The following ALG8 variants were observed in gnomAD, a reference collection of about 807,000 sequenced individuals.
The protein encoded by ALG8 is ALG8 alpha-1,3-glucosyltransferase.
Under a neutral mutation model 70.2 loss-of-function variants are expected in ALG8, and 48 were observed. That is an observed-to-expected ratio of 0.68 (90% confidence interval 0.54 to 0.87). The LOEUF (loss-of-function observed/expected upper bound fraction) is 0.87, where lower values mean the gene tolerates loss of function less well. Among genes scored for constraint, ALG8 ranks in the 40% least tolerant of loss-of-function variants. The probability of loss-of-function intolerance (pLI) is 0.00; values close to 1 mark genes in which losing one functional copy is unlikely to be tolerated. For missense variants in ALG8, 572 were observed against 608.7 expected, an observed-to-expected ratio of 0.94 and a Z score of 0.64; for synonymous variants, 234 against 229.0, an observed-to-expected ratio of 1.02 and a Z score of -0.20.
chr11:78,101,031 T>C lies in ALG8; in HGVS notation c.1514A>G (p.Tyr505Cys), dbSNP rs184974623. 1.2e-6 allele frequency: 2 copies of C among 1,614,244 alleles called. No individual in the cohort carries two copies. Among genetic ancestry groups the C allele is most frequent in the East Asian group, 4.5e-5 (2 of 44,890 alleles). Residue 505 changes from tyrosine to cysteine, a missense_variant, in exon 13 of 13, where the codon TAT becomes TGT. Tyr to Cys is a radical substitution (Grantham distance 194, BLOSUM62 -2). Coordinates refer to ENST00000299626, the MANE Select transcript of ALG8 (RefSeq NM_024079.5). ...TSVYCAVGIT[Y>C]AWFKLYVSVL... ...TGAAACATACAGTTTGAACCAAGCA[T>C]ATGTGATGCCTACTGCACAATACAC...
At chr11:78,108,653 T>C (rs1043629212) in intron 9 of ALG8, among the ~76,000 whole-genome samples, 1 of 152,240 alleles carries the variant, frequency 6.6e-6, no homozygotes, top group African/African-American at 2.4e-5. Context: ...ATAGAAACTA[T>C]ATGTACCTCA....
chr11:78,115,201 T>TTTTGTACCAAAATA (rs1198977836), intron 5 of ALG8, among the ~76,000 whole-genome samples: 2 of 151,632 alleles, frequency 1.3e-5, no homozygotes, highest in African/African-American at 4.8e-5. Flanking sequence ...CCCGGCTAAT[T>TTTTGTACCAAAATA]TTTGTATTTT....
chr11:78,130,361 A>AAAAAAAAAAAAAAAAAAAGAAAG (rs928560857), intron 1 of ALG8, among the ~76,000 whole-genome samples: 250 of 132,564 alleles, frequency 1.9e-3, no homozygotes, highest in African/African-American at 2.5e-3. Flanking sequence ...AAAAAAAAAA[A>AAAAAAAAAAAAAAAAAAAGAAAG]AAAAAAGGTG....
chr11:78,136,749 T>C (rs1404766594), intron 1 of ALG8, among the ~76,000 whole-genome samples: 1 of 152,176 alleles, frequency 6.6e-6, no homozygotes, highest in African/African-American at 2.4e-5. Flanking sequence ...CATCTTCCAA[T>C]GTAAGTCTGT....
In ALG8 at chr11:78,114,351, T is replaced by G. The variant is rs562915665; in HGVS notation, c.588A>C (p.Leu196=). The change falls in exon 6 of 13, where the codon CTA becomes CTC. Residue 196 remains leucine (L), a synonymous_variant. Transcript: ENST00000299626. Reference sequence around the variant, plus strand: ...CATAGAGGTAGATATGCTTGAAATGTAGGAGAACAGCAAAGAGAAATGCTC... The same window carrying G: ...CATAGAGGTAGATATGCTTGAAATGGAGGAGAACAGCAAAGAGAAATGCTC... ...MEGAFLFAVL[L]HFKHIYLYVA... 1.2e-4 allele frequency: 189 copies of G among 1,614,112 alleles called. 2 individuals carry two copies. The South Asian group carries it at 2.0e-3, about 17-fold the overall frequency.
intron 4 of ALG8, 127 bp downstream of exon 4, chr11:78,120,938 A>C (rs889691013): frequency 3.4e-6 from 3 of 873,132 alleles, no homozygotes; most frequent in African/African-American, 3.3e-5. Flanking sequence ...AAGTGAGCCT[A>C]CTAACCCACC....
intron 1 of ALG8, among the ~76,000 whole-genome samples, chr11:78,128,915 A>G (rs1861191280): frequency 6.6e-6 from 1 of 150,878 alleles, no homozygotes; most frequent in Non-Finnish European, 1.5e-5. Context: ...TGCCTGGCCT[A>G]CTCCCAAATT....
At chr11:78,110,294 C>A (rs186362922) in intron 8 of ALG8, among the ~76,000 whole-genome samples, 2 of 152,112 alleles carry the variant, frequency 1.3e-5, no homozygotes, top group African/African-American at 4.8e-5. Flanking sequence ...CAGGTTCCAG[C>A]GATTCTCCTG....
At chr11:78,129,913 C>T in intron 1 of ALG8, among the ~76,000 whole-genome samples, 1 of 152,062 alleles carries the variant, frequency 6.6e-6, no homozygotes, top group Admixed American at 6.6e-5. Flanking sequence ...ACAGTAATTA[C>T]ACAACAACGC....
chr11:78,111,757 AT>A (rs1208050642), intron 8 of ALG8, among the ~76,000 whole-genome samples: 1 of 152,158 alleles, frequency 6.6e-6, no homozygotes, highest in Non-Finnish European at 1.5e-5. Flanking sequence ...ACCAAGCTAG[AT>A]TGTATTCACA....
chr11:78,132,328 A>T (rs1861341090), intron 1 of ALG8, among the ~76,000 whole-genome samples: 1 of 151,978 alleles, frequency 6.6e-6, no homozygotes, highest in South Asian at 2.1e-4. Flanking sequence ...TAATGCCACC[A>T]CTCCAATTCA....
At chr11:78,135,767 G>A (rs1266125602) in intron 1 of ALG8, among the ~76,000 whole-genome samples, 2 of 151,566 alleles carry the variant, frequency 1.3e-5, no homozygotes, top group South Asian at 2.1e-4. Flanking sequence ...AGAATCACTC[G>A]AACCCGGGAA....
rs374297042 is a variant in ALG8 at position 78,132,038 on chromosome 11, C to T, written c.96-4602G>A. Among the ~76,000 whole-genome samples the T allele has an allele frequency of 2.6e-5, 4 of 152,298 alleles. No individual in the cohort carries two copies. The East Asian group carries it at 5.8e-4, about 22-fold the overall frequency. ...CAGCCCATTTCTCACCATCCTCCCA[C>T]CTGTCTTTGTCTTACTCTACATTCA... On this transcript the variant is annotated intron_variant, in intron 1 of 12. Transcript: ENST00000299626.
At position 78,114,292 on chromosome 11, in the gene ALG8, G is replaced by C. The variant is rs886048687; in HGVS notation, c.647C>G (p.Ser216Cys). 6.2e-7 allele frequency: 1 copy of C among 1,614,092 alleles called. No homozygotes were observed. The change falls in exon 6 of 13, where the codon TCC becomes TGC. Residue 216 changes from serine to cysteine, a missense_variant. Transcript: ENST00000299626. ...APAYGVYLLR[S>C]YCFTANKPDG... ...TGGTTTATTTGCAGTGAAACAGTAG[G>C]ATCGCAGCAGATATACACCATAAGC...
At chr11:78,122,678 A>C (rs1434822259) in intron 3 of ALG8, among the ~76,000 whole-genome samples, 1 of 152,140 alleles carries the variant, frequency 6.6e-6, no homozygotes, top group East Asian at 1.9e-4. Flanking sequence ...TCTACTTTGC[A>C]GATGGAAATG....
chr11:78,118,208 C>G (rs1207427414), intron 5 of ALG8, among the ~76,000 whole-genome samples: 1 of 152,160 alleles, frequency 6.6e-6, no homozygotes, highest in Non-Finnish European at 1.5e-5. Flanking sequence ...AAATCCCTTT[C>G]TATTACATTA....
intron 8 of ALG8, chr11:78,112,293 GT>G: frequency 3.0e-6 from 1 of 327,878 alleles, no homozygotes; most frequent in South Asian, 2.7e-5. Flanking sequence ...ATAAGTAGGG[GT>G]TTGAATAGGA....
At chr11:78,104,558 G>A in intron 10 of ALG8, 105 bp from the exon 11 acceptor site, 1 of 1,040,160 alleles carries the variant, frequency 9.6e-7, no homozygotes, top group Non-Finnish European at 1.4e-6. Context: ...AGGCATAGAA[G>A]AACATGCTGA....
chr11:78,135,989 T>C (rs1361335668), intron 1 of ALG8, among the ~76,000 whole-genome samples: 3 of 151,048 alleles, frequency 2.0e-5, no homozygotes, highest in African/African-American at 7.3e-5. Flanking sequence ...GGCAACATGG[T>C]GAAACCCCAT....
Sources: gnomAD v4.1 joint callset for allele counts (sites outside exome capture counted in the v4.1 genomes callset) on GRCh38, gnomAD v4.1.1 for gene constraint, MANE v1.5 for transcripts, NCBI Gene and HGNC (gene_info 2026-07-23, HGNC 2026-07-21) for gene names.